Variants in COA1 observed in about 807,000 individuals in gnomAD.
COA1 encodes the protein cytochrome c oxidase assembly factor 1, also known as cytochrome c oxidase assembly factor 1 homolog.
COA1 carries 13 observed loss-of-function variants against 16.0 expected under a neutral mutation model. That is an observed-to-expected ratio of 0.81 (90% CI 0.53 to 1.29). The LOEUF (loss-of-function observed/expected upper bound fraction) is 1.29. COA1 is among the 50% of genes most tolerant of loss of function. COA1 has a pLI of 0.00. For missense variants in COA1, 179 were observed against 177.0 expected, an observed-to-expected ratio of 1.01 and a Z score of -0.06; for synonymous variants, 65 against 65.7, an observed-to-expected ratio of 0.99 and a Z score of 0.05.
intron 6 of COA1, among the ~76,000 whole-genome samples, chr7:43,619,960 C>T (rs1563163545): frequency 6.6e-6 from 1 of 152,212 alleles, no homozygotes; most frequent in Non-Finnish European, 1.5e-5. Context: ...GAAGGGATTA[C>T]TTCTAAAAGG....
intron 1 of COA1, among the ~76,000 whole-genome samples, chr7:43,670,206 T>C (rs887733156): frequency 6.6e-6 from 1 of 152,174 alleles, no homozygotes; most frequent in Non-Finnish European, 1.5e-5. Flanking sequence ...CCCAGCACTT[T>C]GGGAGGCCGA....
chr7:43,659,079 G>A (rs2092149687), intron 1 of COA1: 1 of 152,258 alleles, frequency 6.6e-6, no homozygotes, highest in South Asian at 2.1e-4. Context: ...AATGGAAGCA[G>A]GGAGTCCAAT....
chr7:43,662,708 G>GT (rs2092561018), intron 1 of COA1, among the ~76,000 whole-genome samples: 1 of 152,084 alleles, frequency 6.6e-6, no homozygotes, highest in South Asian at 2.1e-4. Context: ...TGTTACCTGG[G>GT]TTTATTTTCT....
chr7:43,644,735 T>C (rs1294214559), intron 4 of COA1, among the ~76,000 whole-genome samples: 6 of 83,514 alleles, frequency 7.2e-5, no homozygotes, highest in South Asian at 3.8e-4. Context: ...GATAGATAGA[T>C]AGATAGATAG....
chr7:43,625,445 GA>G (rs1443386457), intron 6 of COA1: 2 of 152,144 alleles, frequency 1.3e-5, no homozygotes, highest in African/African-American at 2.4e-5. Flanking sequence ...ACATATCAGT[GA>G]AAAACCCTAA....
At chr7:43,660,563 G>C (rs1263566728) in intron 1 of COA1, among the ~76,000 whole-genome samples, 1 of 152,112 alleles carries the variant, frequency 6.6e-6, no homozygotes, top group Admixed American at 6.5e-5. Flanking sequence ...CTGAGATTTG[G>C]GTTAATTGTG....
chr7:43,639,635 T>C lies in COA1; in HGVS notation c.388A>G (p.Ile130Val). 1.2e-6 allele frequency: 2 copies of C among 1,614,080 alleles called. No individual in the cohort carries two copies. Among genetic ancestry groups the C allele is most frequent in the South Asian group, 2.2e-5 (2 of 91,078 alleles). The part of the protein sequence containing the change: ...VFLELKDGQQ[I>V]PVFKLSGENG... ...TCCCCACTGAGCTTGAACACAGGAATCTGCTGACCATCCTTGAGCTCTAAA... is the reference window on the plus strand; with the variant it reads ...TCCCCACTGAGCTTGAACACAGGAACCTGCTGACCATCCTTGAGCTCTAAA... The change falls in exon 6 of 6, where the codon ATT becomes GTT. Residue 130 changes from isoleucine (I) to valine (V), a missense_variant. Transcript: ENST00000223336.
intron 6 of COA1, chr7:43,624,772 A>T: frequency 6.2e-7 from 1 of 1,613,134 alleles, no homozygotes; most frequent in South Asian, 1.1e-5. Flanking sequence ...ATGGAGCAAA[A>T]GGCCATTTCC....
intron 3 of COA1, chr7:43,647,173 C>G (rs924397613): frequency 3.3e-6 from 1 of 299,708 alleles, no homozygotes; most frequent in African/African-American, 2.2e-5. Flanking sequence ...GCTGGACGCA[C>G]AGCCACAGCT....
At chr7:43,647,437 C>T (rs1301690054) in intron 3 of COA1, 98 bp downstream of exon 3, 1 of 886,426 alleles carries the variant, frequency 1.1e-6, no homozygotes, top group Non-Finnish European at 1.9e-6. Flanking sequence ...CTCCTCCTTT[C>T]TCTAATCTAA....
At position 43,647,648 on chromosome 7, in the gene COA1, G is replaced by A; in HGVS notation, c.16-14C>T. ...GCTTCCTGCATACTTAAAAACAAAA[G>A]ATACAAATTTATTGTAGGATTCCCA... On this transcript the variant is annotated splice_polypyrimidine_tract_variant and intron_variant, in intron 2 of 5. Transcript: ENST00000223336. 2 of 1,593,444 alleles carry A rather than the reference G, an allele frequency of 1.3e-6. No individual in the cohort carries two copies. Among genetic ancestry groups the A allele is most frequent in the South Asian group, 2.2e-5 (2 of 90,488 alleles).
chr7:43,691,067 A>AG (rs1268393095), intron 1 of COA1, among the ~76,000 whole-genome samples: 2 of 136,480 alleles, frequency 1.5e-5, no homozygotes, highest in Non-Finnish European at 3.1e-5. Flanking sequence ...AAAAAAAAAA[A>AG]AAAAAAAAAA....
chr7:43,629,025 T>A (rs2153035637), intron 6 of COA1, among the ~76,000 whole-genome samples: 1 of 152,350 alleles, frequency 6.6e-6, no homozygotes, highest in East Asian at 1.9e-4. Flanking sequence ...TGAATTAGTA[T>A]TTTTATATGC....
At chr7:43,644,817 G>GAGAGAGAGAGAGAGAGAGATAC (rs1245137600) in intron 4 of COA1, among the ~76,000 whole-genome samples, 2 of 126,738 alleles carry the variant, frequency 1.6e-5, no homozygotes, top group Non-Finnish European at 3.8e-5. Context: ...GAGAGAGAGA[G>GAGAGAGAGAGAGAGAGAGATAC]AGAGAGAGAG....
At chr7:43,644,817 G>GTGAGAGAGAGAGAGAGAGAGAGAGAC (rs2088699961) in intron 4 of COA1, among the ~76,000 whole-genome samples, 1 of 126,614 alleles carries the variant, frequency 7.9e-6, no homozygotes. Context: ...GAGAGAGAGA[G>GTGAGAGAGAGAGAGAGAGAGAGAGAC]AGAGAGAGAG....
downstream of COA1, among the ~76,000 whole-genome samples, chr7:43,637,449 T>C (rs959221475): frequency 6.6e-6 from 1 of 152,198 alleles, no homozygotes; most frequent in African/African-American, 2.4e-5. Context: ...CTATCCTGTC[T>C]CTTTATGGGA....
At chr7:43,611,832 A>G (rs2082905828) in intron 6 of COA1, among the ~76,000 whole-genome samples, 1 of 152,160 alleles carries the variant, frequency 6.6e-6, no homozygotes, top group South Asian at 2.1e-4. Context: ...CAGGAAGAGA[A>G]CCCCAATTTA....
chr7:43,610,866 C>G (rs564406942), intron 6 of COA1, among the ~76,000 whole-genome samples: 1 of 152,232 alleles, frequency 6.6e-6, no homozygotes, highest in African/African-American at 2.4e-5. Flanking sequence ...CCTGTAATCC[C>G]AGCACTTTGG....
chr7:43,727,724 T>C (rs2095645715), intron 1 of COA1, among the ~76,000 whole-genome samples: 2 of 152,198 alleles, frequency 1.3e-5, no homozygotes, highest in African/African-American at 4.8e-5. Flanking sequence ...GGAAGTCAGG[T>C]GAGCCTGCTG....
Sources: gnomAD v4.1 joint callset for allele counts (sites outside exome capture counted in the v4.1 genomes callset) on GRCh38, gnomAD v4.1.1 for gene constraint, MANE v1.5 for transcripts, NCBI Gene and HGNC (gene_info 2026-07-23, HGNC 2026-07-21) for gene names.